Variants in HHIPL2 observed in about 807,000 individuals in gnomAD.
The protein encoded by HHIPL2 is HHIP like 2.
HHIPL2 carries 61 observed loss-of-function variants against 61.0 expected under a neutral mutation model. The observed-to-expected ratio is 1.00, with a 90% CI of 0.81 to 1.24. The LOEUF is 1.24. Ranked by LOEUF, HHIPL2 falls within the 50% of genes most tolerant of loss-of-function variation. The pLI is 0.00. For synonymous variants in HHIPL2, 343 were observed against 357.4 expected, an observed-to-expected ratio of 0.96 and a Z score of 0.45; for missense variants, 885 against 910.2, an observed-to-expected ratio of 0.97 and a Z score of 0.36.
At chr1:222,545,393 C>G (rs1468879523) in intron 1 of HHIPL2, among the ~76,000 whole-genome samples, 1 of 152,138 alleles carries the variant, frequency 6.6e-6, no homozygotes, top group African/African-American at 2.4e-5. Flanking sequence ...AGTCAGCTTT[C>G]GGTCATTGGG....
intron 5 of HHIPL2, among the ~76,000 whole-genome samples, chr1:222,537,084 A>G (rs1404182688): frequency 6.6e-6 from 1 of 152,064 alleles, no homozygotes; most frequent in African/African-American, 2.4e-5. Flanking sequence ...ACCAAGTGGT[A>G]TTTTCCTCAG....
chr1:222,538,578 A>G (rs183965011), intron 5 of HHIPL2, 70 bp downstream of exon 5: 485 of 1,373,806 alleles, frequency 3.5e-4, no homozygotes, highest in African/African-American at 2.9e-3. Flanking sequence ...ATATTTCACC[A>G]TATGTAAGTT....
At chr1:222,531,885 T>C (rs1659199340) in intron 6 of HHIPL2, 81 bp downstream of exon 6, 2 of 1,299,668 alleles carry the variant, frequency 1.5e-6, no homozygotes, top group African/African-American at 1.5e-5. Context: ...ATAATTACTA[T>C]TTAAAATAAA....
intron 4 of HHIPL2, among the ~76,000 whole-genome samples, chr1:222,539,527 T>TAAAAAAAAAAAAA (rs10537670): frequency 5.9e-5 from 5 of 85,112 alleles, no homozygotes; most frequent in Non-Finnish European, 9.5e-5. Flanking sequence ...AGACTCTGTC[T>TAAAAAAAAAAAAA]AAAAAAAAAA....
chr1:222,544,647 G>A (rs1353582382), intron 1 of HHIPL2, among the ~76,000 whole-genome samples: 3 of 152,120 alleles, frequency 2.0e-5, no homozygotes, highest in Non-Finnish European at 4.4e-5. Context: ...TTACAGGCAT[G>A]AGCCACCATG....
chr1:222,526,937 G>T lies in HHIPL2; in HGVS notation c.1805+32C>A, dbSNP rs375413048. The T allele has an allele frequency of 3.9e-4, 599 of 1,548,566 alleles. 1 individual carries two copies. Among genetic ancestry groups the T allele is most frequent in the Admixed American group, 1.8e-3 (105 of 58,600 alleles). On this transcript the variant is annotated intron_variant, in intron 7 of 8. Coordinates refer to ENST00000343410, the MANE Select transcript of HHIPL2 (RefSeq NM_024746.4). ...CATGGAGATAAGAAATGAGAAAAAT[G>T]CATTTGAGAAGAAAATGACATCAAA...
intron 5 of HHIPL2, among the ~76,000 whole-genome samples, chr1:222,537,271 C>G (rs917377818): frequency 6.6e-6 from 1 of 151,472 alleles, no homozygotes; most frequent in Non-Finnish European, 1.5e-5. Context: ...AAAATGTCCC[C>G]AGCCTGATAA....
rs763368987 is a variant in HHIPL2 at position 222,543,574 on chromosome 1, G to A, written c.937C>T (p.Arg313Trp). 1 of 1,613,944 alleles carries A rather than the reference G, an allele frequency of 6.2e-7. No homozygotes were observed. Among genetic ancestry groups the A allele is most frequent in the Admixed American group, 1.7e-5 (1 of 60,008 alleles). ...AGGTCAGCTTTGTTAGGATCAGCCC[G>A]AGAAACCTTCATCTCACTAATTCGG... Reference protein sequence around the residue: ...KIRISEMKVSRADPNKADLKS... With the variant: ...KIRISEMKVSWADPNKADLKS... The change falls in exon 2 of 9, where the codon CGG (arginine) becomes TGG (tryptophan). Residue 313 changes from arginine (R) to tryptophan (W), a missense_variant. Coordinates refer to ENST00000343410, the MANE Select transcript of HHIPL2 (RefSeq NM_024746.4).
chr1:222,537,639 A>G (rs1451888043), intron 5 of HHIPL2, among the ~76,000 whole-genome samples: 1 of 151,728 alleles, frequency 6.6e-6, no homozygotes, highest in Non-Finnish European at 1.5e-5. Flanking sequence ...CTCAAAAAAA[A>G]AAAAAAAGAA....
At chr1:222,539,693 T>C (rs983175341) in intron 4 of HHIPL2, among the ~76,000 whole-genome samples, 5 of 152,244 alleles carry the variant, frequency 3.3e-5, no homozygotes, top group African/African-American at 9.6e-5. Context: ...CAAAATAATA[T>C]GCCTAAAATT....
rs1435985534 is a variant in HHIPL2 at position 222,547,949 on chromosome 1, C to A, written c.96G>T (p.Leu32Phe). ...SGILCLCLIF[L>F]LGQVGLLQGH... is the part of the protein sequence containing the mutation. ...CCTGCAGCAAGCCCACCTGGCCCAA[C>A]AAGAATATGAGGCAGAGGCAGAGAA... The change falls in exon 1 of 9, where the codon TTG becomes TTT. Residue 32 changes from leucine (L) to phenylalanine (F), a missense_variant. Physicochemically the swap from Leu to Phe is conservative, Grantham distance 22 (BLOSUM62 0). Coordinates refer to ENST00000343410, the MANE Select transcript of HHIPL2 (RefSeq NM_024746.4). The A allele has an allele frequency of 6.2e-7, 1 of 1,612,760 alleles. No homozygotes were observed. The highest frequency in any genetic ancestry group is 1.3e-5 in the African/African-American group (1 of 74,894).
intron 1 of HHIPL2, 60 bp from the exon 2 acceptor site, chr1:222,544,249 A>C: frequency 4.6e-5 from 70 of 1,526,520 alleles, no homozygotes; most frequent in Non-Finnish European, 5.8e-5. Context: ...CACTTGTCTC[A>C]AGTTTTGAGC....
At position 222,547,820 on chromosome 1, in the gene HHIPL2, G is replaced by A. The variant is rs183510189; in HGVS notation, c.225C>T (p.Asp75=). The A allele has an allele frequency of 0.011, 18,382 of 1,614,178 alleles. 140 individuals carry two copies. The highest frequency in any genetic ancestry group is 0.013 in the Non-Finnish European group (15,462 of 1,180,024). The stretch of plus-strand genomic sequence containing the variant: ...CCCAGTACCGGGCAGCGATGCGGCG[G>A]TCCTTGTGCTGATCACAGCAGCCGA... ...ESFGCCDQHK[D]RRIAARYWDI... is the part of the protein sequence containing the mutation. Residue 75 remains aspartate, a synonymous_variant, in exon 1 of 9, where the codon GAC becomes GAT. Transcript: ENST00000343410.
chr1:222,528,730 C>A (rs1005973920), intron 6 of HHIPL2, among the ~76,000 whole-genome samples: 5 of 151,752 alleles, frequency 3.3e-5, no homozygotes, highest in African/African-American at 1.2e-4. Context: ...TTACACAATT[C>A]TTTCTCAATT....
chr1:222,523,675 A>C lies in HHIPL2; in HGVS notation c.1825T>G (p.Cys609Gly), dbSNP rs1157304137. 6.8e-6 allele frequency: 11 copies of C among 1,614,156 alleles called. No homozygotes were observed. The highest frequency in any genetic ancestry group is 9.3e-6 in the Non-Finnish European group (11 of 1,180,022). The stretch of plus-strand genomic sequence containing the variant: ...CTCACGGGCACTGGCTTGTATTTGC[A>C]CTTGCCTGGGGGTGCTCGCCTAAAA... The part of the protein sequence containing the change: ...DPSRRAPPGK[C>G]KYKPVPVRTK... The change falls in exon 8 of 9, where the codon TGC becomes GGC. Residue 609 changes from cysteine (C) to glycine (G), a missense_variant. Transcript: ENST00000343410.
At chr1:222,542,184 A>T (rs752050979) in intron 2 of HHIPL2, 29 bp from the exon 3 acceptor site, 1 of 1,608,848 alleles carries the variant, frequency 6.2e-7, no homozygotes, top group Non-Finnish European at 8.5e-7. Flanking sequence ...ACCACACGTT[A>T]GGATTTGACA....
At chr1:222,531,340 C>T (rs796772588) in intron 6 of HHIPL2, among the ~76,000 whole-genome samples, 58 of 152,304 alleles carry the variant, frequency 3.8e-4, no homozygotes, top group African/African-American at 1.3e-3. Flanking sequence ...TTCCACATTC[C>T]TAAAACTGTG....
chr1:222,522,585 C>T lies in HHIPL2; in HGVS notation c.*16G>A. On this transcript the variant is annotated 3_prime_UTR_variant, in exon 9 of 9. Coordinates refer to ENST00000343410, the MANE Select transcript of HHIPL2 (RefSeq NM_024746.4). Reference sequence around the variant, plus strand: ...TCCTCTCTCACGTCACCCTGTCGGCCACCTTGACCAATAGGTCAAGGGAGA... The same window carrying T: ...TCCTCTCTCACGTCACCCTGTCGGCTACCTTGACCAATAGGTCAAGGGAGA... 2 of 1,605,558 alleles carry T rather than the reference C, an allele frequency of 1.2e-6. No individual in the cohort carries two copies. Among genetic ancestry groups the T allele is most frequent in the Non-Finnish European group, 1.7e-6 (2 of 1,177,398 alleles).
chr1:222,541,016 G>T (rs903803869), intron 3 of HHIPL2, among the ~76,000 whole-genome samples: 2 of 152,164 alleles, frequency 1.3e-5, no homozygotes, highest in African/African-American at 4.8e-5. Flanking sequence ...TGGGCGGATA[G>T]CTTGAGGCCA....
Sources: allele counts gnomAD v4.1 joint callset (sites outside exome capture counted in the v4.1 genomes callset), GRCh38; gene constraint gnomAD v4.1.1; transcripts MANE v1.5; gene names NCBI Gene and HGNC (gene_info 2026-07-23, HGNC 2026-07-21).